Variants in GPHN observed in about 807,000 individuals in gnomAD.
The protein encoded by GPHN is gephyrin.
In GPHN, 17 loss-of-function variants were observed where a neutral mutation model predicts 95.5. The observed-to-expected ratio is 0.18, with a 90% confidence interval of 0.12 to 0.27. GPHN has a LOEUF of 0.27. Ranked by LOEUF, GPHN falls within the 10% of genes least tolerant of loss-of-function variation. The pLI is 1.00. For missense variants in GPHN, 660 were observed against 978.1 expected, an observed-to-expected ratio of 0.67 and a Z score of 4.34; for synonymous variants, 320 against 322.5, an observed-to-expected ratio of 0.99 and a Z score of 0.08.
the GPHN span, chr14:67,320,521 T>A: frequency 1.1e-6 from 1 of 886,822 alleles, no homozygotes; most frequent in South Asian, 2.8e-5. Flanking sequence ...AAAGAGGAAC[T>A]TTAACCAAAG....
chr14:66,513,214 A>G (rs1296359182), intron 1 of GPHN, among the ~76,000 whole-genome samples: 1 of 151,856 alleles, frequency 6.6e-6, no homozygotes, highest in African/African-American at 2.4e-5. Context: ...AAGAATTTTA[A>G]CTATATTAAA....
intron 2 of GPHN, among the ~76,000 whole-genome samples, chr14:66,766,606 G>C (rs1355555572): frequency 6.6e-6 from 1 of 151,952 alleles, no homozygotes; most frequent in Non-Finnish European, 1.5e-5. Flanking sequence ...AAAAATAACT[G>C]ACATTTGTGC....
At chr14:66,589,719 C>T (rs574795148) in intron 1 of GPHN, among the ~76,000 whole-genome samples, 1 of 152,216 alleles carries the variant, frequency 6.6e-6, no homozygotes, top group Non-Finnish European at 1.5e-5. Flanking sequence ...TAGACTCCCA[C>T]ACAATAATAG....
At chr14:67,128,669 G>T (rs1421780959) in intron 17 of GPHN, among the ~76,000 whole-genome samples, 1 of 152,132 alleles carries the variant, frequency 6.6e-6, no homozygotes, top group Admixed American at 6.5e-5. Flanking sequence ...AGCCACTGTG[G>T]CTCGTGCCTC....
chr14:67,388,100 C>A, the GPHN span: 1 of 620,100 alleles, frequency 1.6e-6, no homozygotes, highest in South Asian at 2.0e-5. Flanking sequence ...AAACTCACAC[C>A]ACTCTGTCTC....
the GPHN span, among the ~76,000 whole-genome samples, chr14:67,242,148 T>C: frequency 6.6e-6 from 1 of 152,246 alleles, no homozygotes; most frequent in Non-Finnish European, 1.5e-5. Context: ...TAATGAAGTT[T>C]GCTTTAAACG....
chr14:67,530,346 C>T, the GPHN span, among the ~76,000 whole-genome samples: 5 of 151,994 alleles, frequency 3.3e-5, no homozygotes, highest in African/African-American at 1.2e-4. Flanking sequence ...CCCCAAGGTC[C>T]CACCACCACT....
At chr14:67,020,199 C>T (rs758212041) in intron 9 of GPHN, among the ~76,000 whole-genome samples, 3 of 152,208 alleles carry the variant, frequency 2.0e-5, no homozygotes. Flanking sequence ...AATTGTTCTT[C>T]ATGTTGCATT....
At chr14:67,696,238 A>G in the GPHN span, among the ~76,000 whole-genome samples, 9,864 of 152,134 alleles carry the variant, frequency 0.065, 415 homozygotes, top group Middle Eastern at 0.11. Flanking sequence ...GCAGTCCTCT[A>G]TCTCCCCAGA....
At chr14:67,648,242 T>G in the GPHN span, 24 of 1,538,560 alleles carry the variant, frequency 1.6e-5, no homozygotes, top group Non-Finnish European at 1.5e-5. Flanking sequence ...CTAGAGTCTC[T>G]TGCCTGCAAA....
At chr14:66,707,816 G>A (rs1421506465) in intron 2 of GPHN, among the ~76,000 whole-genome samples, 1 of 152,040 alleles carries the variant, frequency 6.6e-6, no homozygotes, top group African/African-American at 2.4e-5. Flanking sequence ...AAAAAACCCT[G>A]TACATTTATT....
chr14:67,491,858 C>A, the GPHN span, among the ~76,000 whole-genome samples: 2 of 152,210 alleles, frequency 1.3e-5, no homozygotes, highest in Non-Finnish European at 2.9e-5. Context: ...CTGTGTCTGT[C>A]CAGCTCCCCC....
At chr14:66,906,412 T>C (rs1004090397) in intron 5 of GPHN, among the ~76,000 whole-genome samples, 4 of 152,206 alleles carry the variant, frequency 2.6e-5, no homozygotes, top group Non-Finnish European at 4.4e-5. Context: ...CTGTTCACCT[T>C]GATCTCACTT....
the GPHN span, among the ~76,000 whole-genome samples, chr14:67,538,655 C>T: frequency 6.6e-6 from 1 of 152,134 alleles, no homozygotes; most frequent in Non-Finnish European, 1.5e-5. Flanking sequence ...AGCAGGCACC[C>T]TGCTCCTGAT....
chr14:66,791,238 A>G lies in GPHN; in HGVS notation c.201+14717A>G, dbSNP rs554848983. Among the ~76,000 whole-genome samples the G allele has an allele frequency of 3.3e-5, 5 of 152,216 alleles. No individual in the cohort carries two copies. In the South Asian group the frequency reaches 8.3e-4, roughly 25 times the overall value. On this transcript the variant is annotated intron_variant, in intron 3 of 22. Coordinates refer to ENST00000478722, the MANE Select transcript of GPHN (RefSeq NM_020806.5). ...AGTCGGCCAATCAGTGCTGCAGTCT[A>G]TTTCCTTTGGGTTGGGGGTTTCCTC...
At chr14:67,021,702 T>A (rs1241206535) in intron 9 of GPHN, among the ~76,000 whole-genome samples, 1 of 152,110 alleles carries the variant, frequency 6.6e-6, no homozygotes, top group Non-Finnish European at 1.5e-5. Flanking sequence ...GAACTACTCA[T>A]CTGAACTGCT....
chr14:66,952,577 T>C (rs1259172753), intron 8 of GPHN, among the ~76,000 whole-genome samples: 1 of 152,242 alleles, frequency 6.6e-6, no homozygotes, highest in African/African-American at 2.4e-5. Flanking sequence ...ATGATAATTC[T>C]ATGTTAACTT....
chr14:66,803,991 C>A (rs1196044868), intron 3 of GPHN, among the ~76,000 whole-genome samples: 1 of 150,536 alleles, frequency 6.6e-6, no homozygotes, highest in Non-Finnish European at 1.5e-5. Context: ...ACTTTCAATG[C>A]ATCTCTTTTG....
chr14:67,620,856 TTCTC>T, the GPHN span: 1 of 1,611,976 alleles, frequency 6.2e-7, no homozygotes, highest in Non-Finnish European at 8.5e-7. Context: ...TTCCGACACC[TTCTC>T]TACCTCTAAT....
Sources: gnomAD v4.1 joint callset for allele counts (sites outside exome capture counted in the v4.1 genomes callset) on GRCh38, gnomAD v4.1.1 for gene constraint, MANE v1.5 for transcripts, NCBI Gene and HGNC (gene_info 2026-07-23, HGNC 2026-07-21) for gene names.